IDE: variants seen among roughly 807,000 people sequenced by gnomAD.
IDE encodes the protein insulin-degrading enzyme.
Under a neutral mutation model 133.2 loss-of-function variants are expected in IDE, and 58 were observed. That is an observed-to-expected ratio of 0.44 (90% CI 0.35 to 0.54). The LOEUF is 0.54. Ranked by LOEUF, IDE falls within the 20% of genes least tolerant of loss-of-function variation. The probability of loss-of-function intolerance (pLI) is 0.00; values close to 1 mark genes in which losing one functional copy is unlikely to be tolerated. For synonymous variants in IDE, 396 were observed against 421.3 expected (o/e 0.94, Z 0.73); for missense variants, 981 against 1,234.0 (o/e 0.79, Z 3.07).
intron 1 of IDE, among the ~76,000 whole-genome samples, chr10:92,552,860 A>AAAAAAAAAAAAAAAAAAAC: frequency 8.5e-6 from 1 of 117,830 alleles, no homozygotes; most frequent in Non-Finnish European, 1.8e-5. Flanking sequence ...TCAGTCTCAA[A>AAAAAAAAAAAAAAAAAAAC]AAAAAAAAAA....
In IDE at chr10:92,563,420, C is replaced by A. The variant is rs1444586234; in HGVS notation, c.98+10502G>T. 2.0e-5 allele frequency among the ~76,000 whole-genome samples: 3 copies of A among 151,510 alleles called. No individual in the cohort carries two copies. The East Asian group carries it at 5.8e-4, about 29-fold the overall frequency. On this transcript the variant is annotated intron_variant, in intron 1 of 24. Transcript: ENST00000265986. ...TGAGCCAAGATTGCACCATTGCACT[C>A]CAGCCTGGGCTACAGAGTGAGACTC...
chr10:92,461,212 T>C lies in IDE; in HGVS notation c.2802A>G (p.Glu934=). Residue 934 remains glutamate (E), a synonymous_variant, in exon 22 of 25, where the codon GAA becomes GAG. Transcript: ENST00000265986. The part of the protein sequence containing the change: ...EVAYLKTLTK[E]DIIKFYKEML... ...TTACCTTGTAGAATTTGATGATATC[T>C]TCCTTGGTAAGTGTCTTTAAATATG... 6.9e-7 allele frequency: 1 copy of C among 1,442,570 alleles called. No homozygotes were observed. Among genetic ancestry groups the C allele is most frequent in the Non-Finnish European group, 9.8e-7 (1 of 1,025,164 alleles). 89.4% of individuals were successfully genotyped at this position (1,442,570 alleles called of 1,614,324 possible).
At chr10:92,554,516 A>C (rs901254310) in intron 1 of IDE, among the ~76,000 whole-genome samples, 3 of 148,630 alleles carry the variant, frequency 2.0e-5, no homozygotes, top group Non-Finnish European at 4.4e-5. Context: ...CTGCACTCCA[A>C]TCAGGCTGAC....
intron 1 of IDE, among the ~76,000 whole-genome samples, chr10:92,547,818 T>C (rs547324119): frequency 6.6e-6 from 1 of 152,266 alleles, no homozygotes; most frequent in East Asian, 1.9e-4. Flanking sequence ...CAGCCCGTGT[T>C]TGGTAATTAC....
intron 20 of IDE, among the ~76,000 whole-genome samples, chr10:92,464,933 G>T (rs938921449): frequency 6.6e-6 from 1 of 152,230 alleles, no homozygotes; most frequent in South Asian, 2.1e-4. Context: ...GCCTCCCAAA[G>T]TGCTGGGATT....
At chr10:92,491,105 G>T (rs561643923) in intron 11 of IDE, among the ~76,000 whole-genome samples, 18 of 152,076 alleles carry the variant, frequency 1.2e-4, no homozygotes, top group Admixed American at 9.8e-4. Context: ...AGGTGGGGTG[G>T]CACGCAGCTA....
intron 1 of IDE, among the ~76,000 whole-genome samples, chr10:92,546,382 TAG>T: frequency 6.6e-6 from 1 of 152,180 alleles, no homozygotes; most frequent in African/African-American, 2.4e-5. Flanking sequence ...TTCTTAAAAA[TAG>T]AGCTTTTCAA....
Position 92,475,910 on chromosome 10 carries a change from T to C in IDE, c.1969A>G (p.Lys657Glu). 6.7e-7 allele frequency: 1 copy of C among 1,482,478 alleles called. No homozygotes were observed. 91.8% of individuals were successfully genotyped at this position (1,482,478 alleles called of 1,614,324 possible). ...GCTTCTTTGATAATTTCAAATCTTT[T>C]TTCATCAATCTCAAAGGTAGCCATT... ...EKMATFEIDE[K>E]RFEIIKEAYM... Residue 657 changes from lysine to glutamate, a missense_variant, in exon 16 of 25, where the codon AAA becomes GAA. By Grantham distance (56) the Lys-to-Glu change is moderately conservative. This residue lies in a region of IDE where 660 missense variants were observed against 894.7 expected (regional missense o/e 0.74). Coordinates refer to ENST00000265986, the MANE Select transcript of IDE (RefSeq NM_004969.4).
At chr10:92,522,271 G>A (rs1300212666) in intron 4 of IDE, among the ~76,000 whole-genome samples, 1 of 151,992 alleles carries the variant, frequency 6.6e-6, no homozygotes, top group Non-Finnish European at 1.5e-5. Context: ...CTATGCAAAA[G>A]CATCCTTTGT....
chr10:92,567,114 T>C (rs756867076), intron 1 of IDE, among the ~76,000 whole-genome samples: 1 of 152,198 alleles, frequency 6.6e-6, no homozygotes, highest in Non-Finnish European at 1.5e-5. Flanking sequence ...TCCACTACCC[T>C]ACGGGACCTG....
intron 12 of IDE, among the ~76,000 whole-genome samples, chr10:92,487,640 C>T (rs1019098511): frequency 1.3e-5 from 2 of 152,194 alleles, no homozygotes; most frequent in Non-Finnish European, 2.9e-5. Context: ...TTTATTCTAG[C>T]TCTTTAAAGA....
Position 92,452,949 on chromosome 10 carries a change from C to G in IDE, c.*1495G>C, listed in dbSNP as rs531695471. 3 of 152,174 alleles carry G rather than the reference C, an allele frequency of 2.0e-5. No homozygotes were observed. The highest frequency in any genetic ancestry group is 2.9e-5 in the Non-Finnish European group (2 of 68,042). 9.4% of individuals were successfully genotyped at this position (152,174 alleles called of 1,614,324 possible). On this transcript the variant is annotated 3_prime_UTR_variant, in exon 25 of 25. Coordinates refer to ENST00000265986, the MANE Select transcript of IDE (RefSeq NM_004969.4). ...TGATCTGACAGTAGAAATGGAGCCC[C>G]GCTTTTGAAAGCAGCCCCATAGTTG...
intron 11 of IDE, 41 bp downstream of exon 11, chr10:92,504,752 GA>G (rs1564630391): frequency 1.0e-6 from 1 of 1,002,866 alleles, no homozygotes; most frequent in Non-Finnish European, 1.5e-6. Context: ...AATCATTATT[GA>G]AAATTTAGTG....
At chr10:92,569,328 T>G (rs1160202463) in intron 1 of IDE, among the ~76,000 whole-genome samples, 1 of 152,212 alleles carries the variant, frequency 6.6e-6, no homozygotes, top group Non-Finnish European at 1.5e-5. Context: ...GAACCACTGG[T>G]GATATTTAGG....
chr10:92,474,728 C>A, intron 17 of IDE, 113 bp downstream of exon 17: 1 of 922,106 alleles, frequency 1.1e-6, no homozygotes, highest in Non-Finnish European at 1.6e-6. Flanking sequence ...ACACAGCCAG[C>A]TTTAATAGAA....
At chr10:92,568,127 G>C (rs377028775) in intron 1 of IDE, among the ~76,000 whole-genome samples, 2 of 152,188 alleles carry the variant, frequency 1.3e-5, no homozygotes, top group Non-Finnish European at 2.9e-5. Context: ...CAAATGATCT[G>C]AGGTAAGAGC....
At position 92,453,641 on chromosome 10, in the gene IDE, T is replaced by C. The variant is rs1003753658; in HGVS notation, c.*803A>G. On this transcript the variant is annotated 3_prime_UTR_variant, in exon 25 of 25. Coordinates refer to ENST00000265986, the MANE Select transcript of IDE (RefSeq NM_004969.4). The stretch of plus-strand genomic sequence containing the variant: ...CTGAAGTTGACCCTATTTGTACGTG[T>C]TAAATAAATATGTTGTGTTAAAGCA... The C allele has an allele frequency of 2.6e-5, 4 of 152,194 alleles. No individual in the cohort carries two copies. The highest frequency in any genetic ancestry group is 9.7e-5 in the African/African-American group (4 of 41,444). The allele number at this position is 152,194 out of a possible 1,614,324, so 9.4% of individuals were successfully genotyped here. A position where few individuals can be genotyped will look rare whatever the true frequency, so the allele number is the denominator to read the frequency against.
At chr10:92,566,872 C>T (rs1014260468) in intron 1 of IDE, among the ~76,000 whole-genome samples, 1 of 152,148 alleles carries the variant, frequency 6.6e-6, no homozygotes, top group African/African-American at 2.4e-5. Flanking sequence ...TGGTTAACAT[C>T]GTCAGCAGCA....
At chr10:92,549,189 C>T (rs1842670079) in intron 1 of IDE, among the ~76,000 whole-genome samples, 1 of 151,348 alleles carries the variant, frequency 6.6e-6, no homozygotes, top group Admixed American at 6.6e-5. Flanking sequence ...ATCTGGGAGG[C>T]GGATGTTGTG....
Sources: allele counts gnomAD v4.1 joint callset (sites outside exome capture counted in the v4.1 genomes callset), GRCh38; gene constraint gnomAD v4.1.1; regional missense constraint gnomAD v4.1.1; transcripts MANE v1.5; gene names NCBI Gene and HGNC (gene_info 2026-07-23, HGNC 2026-07-21).